Variants in STK10 observed in about 807,000 individuals in gnomAD.
STK10 encodes serine/threonine-protein kinase 10.
A neutral mutation model predicts 113.8 loss-of-function variants in STK10; 78 were observed. The observed-to-expected ratio is 0.69, with a 90% CI of 0.57 to 0.83. The LOEUF is 0.83. Ranked by LOEUF, STK10 falls within the 40% of genes least tolerant of loss-of-function variation. The pLI is 0.00. For missense variants in STK10, 1,109 were observed against 1,280.1 expected (o/e 0.87, Z 2.04); for synonymous variants, 465 against 494.7 (o/e 0.94, Z 0.80).
At chr5:172,123,997 G>T (rs575622874) in intron 3 of STK10, among the ~76,000 whole-genome samples, 1 of 152,286 alleles carries the variant, frequency 6.6e-6, no homozygotes, top group East Asian at 1.9e-4. Context: ...CATGATCTTA[G>T]CTCAATGCAA....
chr5:172,152,236 C>G (rs1770248735), intron 2 of STK10, among the ~76,000 whole-genome samples: 1 of 152,236 alleles, frequency 6.6e-6, no homozygotes, highest in Non-Finnish European at 1.5e-5. Flanking sequence ...CTTCCCAACT[C>G]TGTTAATGAC....
chr5:172,176,555 C>T (rs1280651237), intron 1 of STK10, among the ~76,000 whole-genome samples: 1 of 152,196 alleles, frequency 6.6e-6, no homozygotes, highest in South Asian at 2.1e-4. Context: ...GGAATCCTGG[C>T]TCTGGCACCC....
In STK10 at chr5:172,042,299, G is replaced by A. The variant is rs886327905; in HGVS notation, c.*2583C>T. On this transcript the variant is annotated 3_prime_UTR_variant, in exon 19 of 19. Coordinates refer to ENST00000176763, the MANE Select transcript of STK10 (RefSeq NM_005990.4). Reference sequence around the variant, plus strand: ...TACAGAAAGCACTAACACAGGGCACGAGGAATACCGCGTGGGCCTCTCAGA... The same window carrying A: ...TACAGAAAGCACTAACACAGGGCACAAGGAATACCGCGTGGGCCTCTCAGA... 3.9e-5 allele frequency: 6 copies of A among 152,606 alleles called. No individual in the cohort carries two copies. The highest frequency in any genetic ancestry group is 1.9e-4 in the East Asian group (1 of 5,204). The allele number at this position is 152,606 out of a possible 1,614,324, so 9.5% of individuals were successfully genotyped here.
intron 1 of STK10, among the ~76,000 whole-genome samples, chr5:172,163,655 A>C (rs1436123854): frequency 1.3e-5 from 2 of 152,234 alleles, no homozygotes; most frequent in Non-Finnish European, 2.9e-5. Context: ...GCCAGGAAGC[A>C]GCTTATTCCC....
rs1031650288 is a variant in STK10 at position 172,167,606 on chromosome 5, G to A, written c.157-10818C>T. ...CACTTCATCTGAGCTTGCCTTACAC[G>A]TTCCAGAGACAGACACCCTCGTTCT... On this transcript the variant is annotated intron_variant, in intron 1 of 18. Transcript: ENST00000176763. 1.1e-4 allele frequency among the ~76,000 whole-genome samples: 16 copies of A among 152,216 alleles called. No homozygotes were observed. The South Asian group carries it at 2.5e-3, about 24-fold the overall frequency.
At chr5:172,112,304 C>T (rs1042031825) in intron 4 of STK10, among the ~76,000 whole-genome samples, 1 of 152,066 alleles carries the variant, frequency 6.6e-6, no homozygotes, top group African/African-American at 2.4e-5. Flanking sequence ...CATGTCTGCA[C>T]GCATGTGCAT....
At chr5:172,149,998 G>T (rs1364942202) in intron 2 of STK10, among the ~76,000 whole-genome samples, 1 of 137,398 alleles carries the variant, frequency 7.3e-6, no homozygotes, top group Non-Finnish European at 1.5e-5. Context: ...AGGGAGCCGA[G>T]ATCGCGCCAT....
In STK10 at chr5:172,182,837, C is replaced by G. The variant is rs1397490875; in HGVS notation, c.156+5050G>C. On this transcript the variant is annotated intron_variant, in intron 1 of 18. Coordinates refer to ENST00000176763, the MANE Select transcript of STK10 (RefSeq NM_005990.4). ...AAAGTGCTGAGATTACAGGTGTGAG[C>G]CACCGCGCCCGGCCAATTTTTTGTA... 2.0e-5 allele frequency among the ~76,000 whole-genome samples: 3 copies of G among 152,164 alleles called. No homozygotes were observed. In the East Asian group the frequency reaches 5.8e-4, roughly 29 times the overall value.
rs1013674900 is a variant in STK10, at chr5:172,141,484, C to T, written c.322-14063G>A. On this transcript the variant is annotated intron_variant, in intron 2 of 18. Transcript: ENST00000176763. ...TGGTCCCAGCTACTCAGGAGGCTGA[C>T]GTGGGAGGATGGCTTGTGCCCAGGA... 3.3e-5 allele frequency among the ~76,000 whole-genome samples: 5 copies of T among 150,498 alleles called. No individual in the cohort carries two copies. The South Asian group carries it at 6.3e-4, about 19-fold the overall frequency.
chr5:172,123,287 T>C (rs1769553838), intron 3 of STK10, among the ~76,000 whole-genome samples: 1 of 152,158 alleles, frequency 6.6e-6, no homozygotes, highest in Admixed American at 6.5e-5. Flanking sequence ...CTGTCCCCAT[T>C]TCAGCTTCTC....
chr5:172,105,971 AC>A (rs758440185), intron 6 of STK10, among the ~76,000 whole-genome samples: 1 of 152,026 alleles, frequency 6.6e-6, no homozygotes, highest in Non-Finnish European at 1.5e-5. Context: ...CAGTGAGGAG[AC>A]TCAGCAGTGC....
intron 1 of STK10, among the ~76,000 whole-genome samples, chr5:172,165,410 C>A (rs1292123377): frequency 1.3e-5 from 2 of 152,212 alleles, no homozygotes; most frequent in African/African-American, 4.8e-5. Flanking sequence ...AATGAGAACA[C>A]AAGAGCAAAG....
chr5:172,148,795 G>T (rs958476810), intron 2 of STK10, among the ~76,000 whole-genome samples: 2 of 152,250 alleles, frequency 1.3e-5, no homozygotes, highest in African/African-American at 4.8e-5. Context: ...GAGCTAGGCA[G>T]ACCTGGGCTG....
At chr5:172,049,790 T>C (rs941164163) in intron 18 of STK10, among the ~76,000 whole-genome samples, 1 of 152,110 alleles carries the variant, frequency 6.6e-6, no homozygotes, top group African/African-American at 2.4e-5. Context: ...CACCGTGCAC[T>C]CACATGTGTT....
chr5:172,116,798 G>A (rs144515083), intron 4 of STK10, among the ~76,000 whole-genome samples: 1,909 of 152,278 alleles, frequency 0.013, 32 homozygotes, highest in African/African-American at 0.044. Flanking sequence ...AACTGAGGAG[G>A]TGGAGGTTGC....
chr5:172,148,808 G>A (rs1239530491), intron 2 of STK10, among the ~76,000 whole-genome samples: 1 of 152,236 alleles, frequency 6.6e-6, no homozygotes, highest in Non-Finnish European at 1.5e-5. Flanking sequence ...CTGGGCTGGA[G>A]CCTGGCTCTG....
Position 172,042,191 on chromosome 5 carries a change from C to G in STK10, c.*2691G>C, listed in dbSNP as rs1012195954. The G allele has an allele frequency of 6.6e-6, 1 of 152,608 alleles. No homozygotes were observed. Among genetic ancestry groups the G allele is most frequent in the African/African-American group, 2.4e-5 (1 of 41,448 alleles). The allele number at this position is 152,608 out of a possible 1,614,324, so 9.5% of individuals were successfully genotyped here. ...GAAACTACATAAAAATAATTTCTATCTTTCATAAAGGGAAAATAAAAGTTA... is the reference window on the plus strand; with the variant it reads ...GAAACTACATAAAAATAATTTCTATGTTTCATAAAGGGAAAATAAAAGTTA... On this transcript the variant is annotated 3_prime_UTR_variant, in exon 19 of 19. Coordinates refer to ENST00000176763, the MANE Select transcript of STK10 (RefSeq NM_005990.4).
chr5:172,168,178 A>G (rs1770603756), intron 1 of STK10, among the ~76,000 whole-genome samples: 1 of 152,218 alleles, frequency 6.6e-6, no homozygotes, highest in African/African-American at 2.4e-5. Context: ...GGTTCAGGCC[A>G]CTGGAACCAA....
chr5:172,064,501 T>C, intron 13 of STK10: 1 of 597,342 alleles, frequency 1.7e-6, no homozygotes, highest in Non-Finnish European at 3.0e-6. Flanking sequence ...TGTTGGGGTA[T>C]CCAGAGATGG....
Sources: allele counts gnomAD v4.1 joint callset (sites outside exome capture counted in the v4.1 genomes callset), GRCh38; gene constraint gnomAD v4.1.1; transcripts MANE v1.5; gene names NCBI Gene and HGNC (gene_info 2026-07-23, HGNC 2026-07-21).